Variants in NALCN observed in about 807,000 individuals in gnomAD.
NALCN encodes sodium leak channel NALCN.
A neutral mutation model predicts 225.3 loss-of-function variants in NALCN; 111 were observed. The observed-to-expected ratio is 0.49, with a 90% CI of 0.42 to 0.58. The LOEUF is 0.58. NALCN is among the 20% of genes least tolerant of loss of function. The pLI, the probability that NALCN is intolerant of heterozygous loss-of-function variation, is 0.00. For missense variants in NALCN, 1,378 were observed against 2,202.4 expected (o/e 0.63, Z 7.49); for synonymous variants, 764 against 769.0 (o/e 0.99, Z 0.11).
Position 101,237,854 on chromosome 13 carries a change from A to G in NALCN, c.1335T>C (p.Tyr445=), listed in dbSNP as rs2041618677. ...LKIWCLGFTG[Y]ISSSLHKFEL... ...CGAATTTGTGGAGAGATGAGCTAAT[A>G]TATCCAGTAAATCCCAAACACCATA... The change falls in exon 12 of 44, where the codon TAT becomes TAC. Residue 445 remains tyrosine (Y), a synonymous_variant. Transcript: ENST00000251127. 6.2e-7 allele frequency: 1 copy of G among 1,605,606 alleles called. No individual in the cohort carries two copies. Among genetic ancestry groups the G allele is most frequent in the African/African-American group, 1.3e-5 (1 of 74,440 alleles).
At chr13:101,278,522 C>CAAAAAAAA (rs3061766) in intron 10 of NALCN, among the ~76,000 whole-genome samples, 5 of 87,450 alleles carry the variant, frequency 5.7e-5, no homozygotes, top group Non-Finnish European at 6.4e-5. Context: ...GACTCTGTCT[C>CAAAAAAAA]AAAAAAAAAA....
chr13:101,172,660 C>T (rs900943665), intron 15 of NALCN, among the ~76,000 whole-genome samples: 6 of 152,104 alleles, frequency 3.9e-5, no homozygotes, highest in African/African-American at 9.7e-5. Flanking sequence ...CCCGGGTTTA[C>T]GCCATTCTCC....
chr13:101,173,215 T>A (rs2038817252), intron 15 of NALCN, among the ~76,000 whole-genome samples: 1 of 152,230 alleles, frequency 6.6e-6, no homozygotes, highest in African/African-American at 2.4e-5. Flanking sequence ...TCAGAAACTG[T>A]CCTTCATTCT....
intron 10 of NALCN, among the ~76,000 whole-genome samples, chr13:101,259,862 C>T (rs1289521049): frequency 6.6e-6 from 1 of 151,120 alleles, no homozygotes; most frequent in Non-Finnish European, 1.5e-5. Context: ...ATGGGGTATC[C>T]TTTGAGTTAC....
chr13:101,204,199 A>C (rs2040232541), intron 13 of NALCN, among the ~76,000 whole-genome samples: 1 of 152,206 alleles, frequency 6.6e-6, no homozygotes, highest in Non-Finnish European at 1.5e-5. Flanking sequence ...TGTTAATAGA[A>C]CTTAGGCGTT....
intron 13 of NALCN, among the ~76,000 whole-genome samples, chr13:101,219,333 A>T (rs1451318974): frequency 6.6e-6 from 1 of 152,188 alleles, no homozygotes; most frequent in Admixed American, 6.5e-5. Context: ...GATGGAGGGT[A>T]ATGAGGATCC....
At chr13:101,153,798 C>A (rs1200539705) in intron 15 of NALCN, among the ~76,000 whole-genome samples, 1 of 152,190 alleles carries the variant, frequency 6.6e-6, no homozygotes, top group Non-Finnish European at 1.5e-5. Context: ...TTTAGAACAT[C>A]TAGAAAAGAA....
intron 7 of NALCN, among the ~76,000 whole-genome samples, chr13:101,320,278 A>G (rs1005879137): frequency 6.6e-6 from 1 of 152,246 alleles, no homozygotes; most frequent in Non-Finnish European, 1.5e-5. Flanking sequence ...AAATTAATAC[A>G]AAGTCAAGAA....
At chr13:101,101,493 C>T (rs1391732363) in intron 26 of NALCN, among the ~76,000 whole-genome samples, 1 of 151,994 alleles carries the variant, frequency 6.6e-6, no homozygotes, top group Non-Finnish European at 1.5e-5. Flanking sequence ...ATTGGTCAGG[C>T]TGGTCTTGAA....
At chr13:101,318,836 C>T (rs922008327) in intron 7 of NALCN, among the ~76,000 whole-genome samples, 8 of 152,180 alleles carry the variant, frequency 5.3e-5, no homozygotes, top group South Asian at 2.1e-4. Context: ...TATGACACTG[C>T]GCAAGATTGT....
intron 1 of NALCN, among the ~76,000 whole-genome samples, chr13:101,401,065 T>C (rs1483976232): frequency 6.6e-6 from 1 of 152,166 alleles, no homozygotes; most frequent in Non-Finnish European, 1.5e-5. Flanking sequence ...CGTCGTCAGG[T>C]ATTTCTTTAT....
chr13:101,267,336 G>A (rs2042630641), intron 10 of NALCN, among the ~76,000 whole-genome samples: 1 of 152,158 alleles, frequency 6.6e-6, no homozygotes, highest in South Asian at 2.1e-4. Flanking sequence ...AATGGCTGGT[G>A]TGAAAGAAAT....
chr13:101,291,408 A>G (rs960682391), intron 9 of NALCN, among the ~76,000 whole-genome samples: 1 of 152,216 alleles, frequency 6.6e-6, no homozygotes, highest in Non-Finnish European at 1.5e-5. Flanking sequence ...AAAGGTATGT[A>G]ATAAATGTGG....
At chr13:101,273,746 G>C (rs1030324891) in intron 10 of NALCN, among the ~76,000 whole-genome samples, 1 of 151,734 alleles carries the variant, frequency 6.6e-6, no homozygotes, top group Admixed American at 6.6e-5. Flanking sequence ...TTAGCCGGGC[G>C]TGGTGGCAGG....
rs771178894 is a variant in NALCN, at chr13:101,399,141, T to G, written c.-15A>C. On this transcript the variant is annotated 5_prime_UTR_variant, in exon 2 of 44. Transcript: ENST00000251127. ...CTTTTGAGCATGCTGAGGTTAGCTT[T>G]GGTGAGCAAGCACAAAACCACAGTC... is the stretch of plus-strand genomic sequence containing the variant. 6.2e-7 allele frequency: 1 copy of G among 1,612,768 alleles called. No individual in the cohort carries two copies. The highest frequency in any genetic ancestry group is 8.5e-7 in the Non-Finnish European group (1 of 1,179,170).
intron 7 of NALCN, among the ~76,000 whole-genome samples, chr13:101,313,261 C>T (rs1373656073): frequency 1.3e-5 from 2 of 152,012 alleles, no homozygotes; most frequent in East Asian, 1.9e-4. Flanking sequence ...CCATTCAGGA[C>T]ATAGGCATGG....
At chr13:101,099,298 A>G (rs1215360004) in intron 27 of NALCN, among the ~76,000 whole-genome samples, 1 of 152,062 alleles carries the variant, frequency 6.6e-6, no homozygotes, top group Non-Finnish European at 1.5e-5. Context: ...AGCTCTTGGA[A>G]TGTCTCTCCC....
At chr13:101,183,215 A>G (rs2039310990) in intron 14 of NALCN, among the ~76,000 whole-genome samples, 1 of 152,206 alleles carries the variant, frequency 6.6e-6, no homozygotes. Context: ...GTTTACCTAC[A>G]CTACCACATG....
At chr13:101,140,286 T>C (rs2037007682) in intron 17 of NALCN, among the ~76,000 whole-genome samples, 1 of 152,220 alleles carries the variant, frequency 6.6e-6, no homozygotes, top group East Asian at 1.9e-4. Flanking sequence ...ACATTCTCTT[T>C]AGACTCCTCC....
Sources: gnomAD v4.1 joint callset for allele counts (sites outside exome capture counted in the v4.1 genomes callset) on GRCh38, gnomAD v4.1.1 for gene constraint, MANE v1.5 for transcripts, NCBI Gene and HGNC (gene_info 2026-07-23, HGNC 2026-07-21) for gene names.